The following SLC37A1 variants were observed in gnomAD, a reference collection of about 807,000 sequenced individuals.
The protein encoded by SLC37A1 is glucose-6-phosphate exchanger SLC37A1.
SLC37A1 carries 49 observed loss-of-function variants against 75.3 expected under a neutral mutation model. That is an observed-to-expected ratio of 0.65 (90% CI 0.52 to 0.83). SLC37A1 has a LOEUF of 0.83. Ranked by LOEUF, SLC37A1 falls within the 40% of genes least tolerant of loss-of-function variation. The pLI is 0.00. For synonymous variants in SLC37A1, 268 were observed against 292.1 expected (o/e 0.92, Z 0.84); for missense variants, 566 against 695.0 (o/e 0.81, Z 2.09).
chr21:42,535,584 G>A (rs118151272), intron 5 of SLC37A1, 34 bp downstream of exon 5: 30,899 of 1,576,294 alleles, frequency 0.02, 392 homozygotes, highest in Middle Eastern at 0.024. Flanking sequence ...ACCCTTCCTG[G>A]TTACCTGGCC....
chr21:42,534,550 G>A, intron 3 of SLC37A1, 148 bp from the exon 4 acceptor site: 1 of 960,958 alleles, frequency 1.0e-6, no homozygotes, highest in East Asian at 2.8e-5. Flanking sequence ...ACCGCCAGCA[G>A]CGCCTTGTGT....
chr21:42,557,347 T>C (rs543557289), intron 10 of SLC37A1, among the ~76,000 whole-genome samples: 27 of 152,402 alleles, frequency 1.8e-4, no homozygotes, highest in African/African-American at 6.5e-4. Context: ...GAGATTCCAG[T>C]GCTTAGCCAC....
intron 2 of SLC37A1, among the ~76,000 whole-genome samples, chr21:42,506,233 T>C (rs985829939): frequency 6.6e-6 from 1 of 152,242 alleles, no homozygotes; most frequent in Non-Finnish European, 1.5e-5. Flanking sequence ...GCATATTTGA[T>C]TTTTAAACCT....
Position 42,562,184 on chromosome 21 carries a change from A to G in SLC37A1, c.1072+16A>G, listed in dbSNP as rs771877428. ...ACGAATGTGGGTGAGTATCCACGCT[A>G]GAACACATTAAATTCCGCACAGTGA... On this transcript the variant is annotated intron_variant, in intron 12 of 19. Transcript: ENST00000352133. 9 of 1,608,984 alleles carry G rather than the reference A, an allele frequency of 5.6e-6. No homozygotes were observed. In the South Asian group the frequency reaches 9.9e-5, roughly 18 times the overall value.
At chr21:42,579,162 C>T (rs1356250666) in intron 18 of SLC37A1, among the ~76,000 whole-genome samples, 2 of 152,230 alleles carry the variant, frequency 1.3e-5, no homozygotes, top group Non-Finnish European at 2.9e-5. Flanking sequence ...CGGCGAGGAG[C>T]CAAGGCTGAG....
Position 42,530,649 on chromosome 21 carries a change from CACA to C in SLC37A1, c.139-4048_139-4046del, listed in dbSNP as rs1386747996. On this transcript the variant is annotated intron_variant, in intron 3 of 19. Coordinates refer to ENST00000352133, the MANE Select transcript of SLC37A1 (RefSeq NM_001320537.2). ...ACACACACACACACACACACACACACACACACCCCCTCTGTGTTGGCTGAAGGT... is the reference window on the plus strand; with the variant it reads ...ACACACACACACACACACACACACACCACCCCCTCTGTGTTGGCTGAAGGT... Among the ~76,000 whole-genome samples, 130 of 31,578 alleles carry C rather than the reference CACA, an allele frequency of 4.1e-3. 1 individual carries two copies. Among genetic ancestry groups the C allele is most frequent in the Middle Eastern group, 0.02 (2 of 98 alleles). 20.7% of individuals were successfully genotyped at this position (31,578 alleles called of 152,430 possible).
chr21:42,535,662 C>T, intron 5 of SLC37A1, 112 bp downstream of exon 5: 6 of 882,870 alleles, frequency 6.8e-6, no homozygotes, highest in Non-Finnish European at 1.1e-5. Flanking sequence ...CCCCCGCTTG[C>T]CACTGGCTTC....
intron 18 of SLC37A1, 24 bp from the exon 19 acceptor site, chr21:42,579,712 G>C: frequency 6.2e-7 from 1 of 1,613,924 alleles, no homozygotes; most frequent in South Asian, 1.1e-5. Flanking sequence ...AGTAACAGGT[G>C]GGCTCACCTT....
intron 7 of SLC37A1, among the ~76,000 whole-genome samples, chr21:42,542,816 G>C (rs2055315913): frequency 6.6e-6 from 1 of 152,248 alleles, no homozygotes; most frequent in Non-Finnish European, 1.5e-5. Flanking sequence ...TGGGAGTTTG[G>C]GAAGTCCCGA....
At chr21:42,569,137 G>A (rs547757429) in intron 17 of SLC37A1, among the ~76,000 whole-genome samples, 5 of 152,318 alleles carry the variant, frequency 3.3e-5, no homozygotes, top group African/African-American at 1.2e-4. Flanking sequence ...GGAGGACCTG[G>A]GGTGCCAACC....
intron 3 of SLC37A1, 145 bp from the exon 4 acceptor site, chr21:42,534,553 C>T: frequency 1.0e-6 from 1 of 1,001,336 alleles, no homozygotes; most frequent in East Asian, 2.7e-5. Flanking sequence ...GCCAGCAGCG[C>T]CTTGTGTCCC....
chr21:42,549,658 G>C (rs948208316), intron 9 of SLC37A1, among the ~76,000 whole-genome samples: 1 of 152,156 alleles, frequency 6.6e-6, no homozygotes. Flanking sequence ...GGGCCTTCCT[G>C]AGGGAGCTGA....
rs1161313598 is a variant in SLC37A1, at chr21:42,530,654, A to ACACACACACACACACCC, written c.139-4043_139-4042insACACACACACACACCCC. 3.9e-4 allele frequency among the ~76,000 whole-genome samples: 14 copies of ACACACACACACACACCC among 35,898 alleles called. 1 individual carries two copies. The highest frequency in any genetic ancestry group is 7.7e-4 in the South Asian group (1 of 1,300). 23.6% of individuals were successfully genotyped at this position (35,898 alleles called of 152,430 possible). ...CACACACACACACACACACACACACACCCCCTCTGTGTTGGCTGAAGGTGG... is the reference window on the plus strand; with the variant it reads ...CACACACACACACACACACACACACACACACACACACACACCCCCCCCTCTGTGTTGGCTGAAGGTGG... On this transcript the variant is annotated intron_variant, in intron 3 of 19. Transcript: ENST00000352133.
chr21:42,558,954 C>A lies in SLC37A1; in HGVS notation c.850-4C>A. ...CTTTTTGTTCCCAATGGATTTGCCT[C>A]CAGGACCCAGAGATGCAGTGCCTGC... On this transcript the variant is annotated splice_region_variant and splice_polypyrimidine_tract_variant and intron_variant, in intron 10 of 19. Transcript: ENST00000352133. 6.2e-7 allele frequency: 1 copy of A among 1,613,882 alleles called. No homozygotes were observed. Among genetic ancestry groups the A allele is most frequent in the Non-Finnish European group, 8.5e-7 (1 of 1,179,938 alleles).
At chr21:42,544,977 G>T (rs2055370478) in intron 8 of SLC37A1, among the ~76,000 whole-genome samples, 1 of 152,182 alleles carries the variant, frequency 6.6e-6, no homozygotes. Context: ...TGGCTCTGGG[G>T]AGAAAAGGAC....
chr21:42,568,360 G>A lies in SLC37A1; in HGVS notation c.1345G>A (p.Gly449Arg). The change falls in exon 17 of 20, where the codon GGG becomes AGG. Residue 449 changes from glycine (G) to arginine (R), a missense_variant and splice_region_variant. Coordinates refer to ENST00000352133, the MANE Select transcript of SLC37A1 (RefSeq NM_001320537.2). The stretch of plus-strand genomic sequence containing the variant: ...CACGTCTGTTTTTCCTCTCTTCTAG[G>A]GGACTCATAAAAGTCTGAAAGGCAA... ...LITTAVSADL[G>R]THKSLKGNAH... 6.2e-7 allele frequency: 1 copy of A among 1,613,784 alleles called. No homozygotes were observed. The highest frequency in any genetic ancestry group is 8.5e-7 in the Non-Finnish European group (1 of 1,179,798).
At position 42,530,655 on chromosome 21, in the gene SLC37A1, C is replaced by CACACACACACACA. The variant is rs1491531929; in HGVS notation, c.139-4043_139-4042insACACACACACACA. 1.6e-3 allele frequency among the ~76,000 whole-genome samples: 41 copies of CACACACACACACA among 25,842 alleles called. 1 individual carries two copies. Among genetic ancestry groups the CACACACACACACA allele is most frequent in the Non-Finnish European group, 2.5e-3 (25 of 9,986 alleles). The allele number at this position is 25,842 out of a possible 152,430, so 17.0% of individuals were successfully genotyped here. A position where few individuals can be genotyped will look rare whatever the true frequency, so the allele number is the denominator to read the frequency against. On this transcript the variant is annotated intron_variant, in intron 3 of 19. Transcript: ENST00000352133. ...ACACACACACACACACACACACACACCCCCTCTGTGTTGGCTGAAGGTGGA... is the reference window on the plus strand; with the variant it reads ...ACACACACACACACACACACACACACACACACACACACACCCCTCTGTGTTGGCTGAAGGTGGA...
chr21:42,519,204 T>G (rs769664630), intron 2 of SLC37A1, among the ~76,000 whole-genome samples: 1 of 152,204 alleles, frequency 6.6e-6, no homozygotes, highest in Admixed American at 6.5e-5. Flanking sequence ...TCACCACTTA[T>G]GTACGAGAGG....
intron 11 of SLC37A1, chr21:42,560,237 A>C (rs117428310): frequency 6.6e-6 from 1 of 152,458 alleles, no homozygotes; most frequent in African/African-American, 2.4e-5. Context: ...GTGTGGAGAC[A>C]CTGTGTTCTT....
Sources: gnomAD v4.1 joint callset for allele counts (sites outside exome capture counted in the v4.1 genomes callset) on GRCh38, gnomAD v4.1.1 for gene constraint, MANE v1.5 for transcripts, NCBI Gene and HGNC (gene_info 2026-07-23, HGNC 2026-07-21) for gene names.